VOPP1: variants seen among roughly 807,000 people sequenced by gnomAD.
VOPP1 encodes WW domain binding protein VOPP1.
In VOPP1, 8 loss-of-function variants were observed where a neutral mutation model predicts 23.5. The ratio of observed to expected loss-of-function variants is 0.34; its 90% confidence interval spans 0.20 to 0.61. The LOEUF is 0.61. Ranked by LOEUF, VOPP1 falls within the 20% of genes least tolerant of loss-of-function variation. The probability of loss-of-function intolerance (pLI) is 0.78; values close to 1 mark genes in which losing one functional copy is unlikely to be tolerated. For missense variants in VOPP1, 174 were observed against 238.1 expected (o/e 0.73, Z 1.77); for synonymous variants, 83 against 97.3 (o/e 0.85, Z 0.86).
intron 4 of VOPP1, among the ~76,000 whole-genome samples, chr7:55,482,482 A>ATTTTTTTTTTTTT (rs71031859): frequency 3.4e-4 from 45 of 132,822 alleles, no homozygotes; most frequent in African/African-American, 1.2e-3. Flanking sequence ...CACCTGGCTA[A>ATTTTTTTTTTTTT]TTTTTTTTTT....
chr7:55,559,845 T>C (rs945615516), intron 1 of VOPP1, among the ~76,000 whole-genome samples: 2 of 152,128 alleles, frequency 1.3e-5, no homozygotes, highest in Non-Finnish European at 2.9e-5. Flanking sequence ...CCTCAGAACG[T>C]GGCAATGGAG....
chr7:55,544,748 C>T (rs1053867020), intron 1 of VOPP1, among the ~76,000 whole-genome samples: 6 of 152,078 alleles, frequency 3.9e-5, no homozygotes, highest in African/African-American at 1.2e-4. Context: ...GGAACTCAAG[C>T]AAACATCTGA....
chr7:55,565,164 T>C (rs1798123466), intron 1 of VOPP1, among the ~76,000 whole-genome samples: 1 of 152,246 alleles, frequency 6.6e-6, no homozygotes, highest in South Asian at 2.1e-4. Context: ...GGAAGGTCAC[T>C]GTTTGCCAAT....
At chr7:55,544,243 C>T (rs920634287) in intron 1 of VOPP1, among the ~76,000 whole-genome samples, 20 of 152,200 alleles carry the variant, frequency 1.3e-4, no homozygotes, top group African/African-American at 4.8e-4. Flanking sequence ...GCCCAGCATG[C>T]TTCTGTGTTA....
chr7:55,556,171 G>A (rs1053533625), intron 1 of VOPP1, among the ~76,000 whole-genome samples: 6 of 152,178 alleles, frequency 3.9e-5, no homozygotes, highest in African/African-American at 1.2e-4. Flanking sequence ...CTTCCTCTGA[G>A]ACCTTCTGAG....
At chr7:55,564,870 T>A (rs893619308) in intron 1 of VOPP1, among the ~76,000 whole-genome samples, 49 of 152,224 alleles carry the variant, frequency 3.2e-4, no homozygotes, top group African/African-American at 1.1e-3. Flanking sequence ...ACTCAAAGAC[T>A]CCCAGGCAAC....
chr7:55,444,713 CTCT>C (rs1452229021), intron 4 of VOPP1, among the ~76,000 whole-genome samples: 1 of 56,092 alleles, frequency 1.8e-5, no homozygotes, highest in African/African-American at 5.9e-5. Context: ...TTCGTAGAAA[CTCT>C]TTTTTTTTTT....
chr7:55,518,092 A>G (rs1414057360), intron 2 of VOPP1, among the ~76,000 whole-genome samples: 1 of 152,138 alleles, frequency 6.6e-6, no homozygotes, highest in Admixed American at 6.5e-5. Flanking sequence ...GGCCTTGGGT[A>G]GGTTATGTTC....
At chr7:55,553,148 T>C (rs1308774313) in intron 1 of VOPP1, among the ~76,000 whole-genome samples, 1 of 152,248 alleles carries the variant, frequency 6.6e-6, no homozygotes, top group Admixed American at 6.5e-5. Context: ...ACAAGTTAAT[T>C]ATATCTCATA....
chr7:55,477,253 C>T (rs1282680078), intron 4 of VOPP1, among the ~76,000 whole-genome samples: 1 of 152,226 alleles, frequency 6.6e-6, no homozygotes, highest in Non-Finnish European at 1.5e-5. Flanking sequence ...TCTGAGCCTT[C>T]TGAACACGAG....
chr7:55,455,131 C>CTGA, intron 4 of VOPP1, among the ~76,000 whole-genome samples: 1 of 152,164 alleles, frequency 6.6e-6, no homozygotes, highest in South Asian at 2.1e-4. Context: ...AAAATCAACA[C>CTGA]GCAAAAATCA....
intron 2 of VOPP1, among the ~76,000 whole-genome samples, chr7:55,506,391 A>C (rs1273060619): frequency 1.3e-5 from 2 of 152,254 alleles, no homozygotes; most frequent in East Asian, 3.8e-4. Context: ...GCTGGAGTGC[A>C]GTGGCACGAT....
chr7:55,491,305 T>C (rs747236960), intron 4 of VOPP1, among the ~76,000 whole-genome samples: 1 of 152,256 alleles, frequency 6.6e-6, no homozygotes, highest in Non-Finnish European at 1.5e-5. Flanking sequence ...GGTCCTACAC[T>C]GTACAATAGA....
chr7:55,494,237 C>T (rs1191860801), intron 3 of VOPP1, among the ~76,000 whole-genome samples: 1 of 152,200 alleles, frequency 6.6e-6, no homozygotes, highest in Non-Finnish European at 1.5e-5. Context: ...ACCGATTTCC[C>T]TCAGGTGGGC....
intron 1 of VOPP1, among the ~76,000 whole-genome samples, chr7:55,557,333 T>C (rs1172427977): frequency 2.0e-5 from 3 of 152,128 alleles, no homozygotes; most frequent in South Asian, 2.1e-4. Flanking sequence ...AAACACCATG[T>C]GCTTACTTAA....
intron 4 of VOPP1, among the ~76,000 whole-genome samples, chr7:55,453,008 T>C (rs1389951611): frequency 6.6e-6 from 1 of 152,152 alleles, no homozygotes; most frequent in African/African-American, 2.4e-5. Context: ...AAGTCCTAGA[T>C]GGCATCTTCT....
At chr7:55,447,830 G>T (rs1444986707) in intron 4 of VOPP1, among the ~76,000 whole-genome samples, 1 of 152,128 alleles carries the variant, frequency 6.6e-6, no homozygotes, top group Non-Finnish European at 1.5e-5. Context: ...TTTCAAGAAG[G>T]TGGTTTGTGT....
chr7:55,499,442 C>T (rs1321498211), intron 2 of VOPP1, among the ~76,000 whole-genome samples: 1 of 152,142 alleles, frequency 6.6e-6, no homozygotes, highest in African/African-American at 2.4e-5. Flanking sequence ...ATGCATCCAC[C>T]AAGGGGCTAC....
intron 4 of VOPP1, among the ~76,000 whole-genome samples, chr7:55,454,246 C>T (rs1791312273): frequency 6.6e-6 from 1 of 152,092 alleles, no homozygotes; most frequent in African/African-American, 2.4e-5. Context: ...AAGACTAAAC[C>T]AGAAAGAGGT....
Sources: allele counts gnomAD v4.1 joint callset (sites outside exome capture counted in the v4.1 genomes callset), GRCh38; gene constraint gnomAD v4.1.1; transcripts MANE v1.5; gene names NCBI Gene and HGNC (gene_info 2026-07-23, HGNC 2026-07-21).